PPME1: variants seen among roughly 807,000 people sequenced by gnomAD.
The protein encoded by PPME1 is testicular secretory protein Li 39.
A neutral mutation model predicts 56.9 loss-of-function variants in PPME1; 17 were observed. That is an observed-to-expected ratio of 0.30 (90% CI 0.20 to 0.45). The LOEUF (loss-of-function observed/expected upper bound fraction) is 0.45, where lower values mean the gene tolerates loss of function less well. PPME1 is among the 20% of genes least tolerant of loss of function. PPME1 has a pLI of 1.00. For missense variants in PPME1, 357 were observed against 483.2 expected (o/e 0.74, Z 2.45); for synonymous variants, 122 against 156.2 (o/e 0.78, Z 1.63).
chr11:74,224,800 C>G (rs1170164691), intron 4 of PPME1, among the ~76,000 whole-genome samples: 19 of 146,582 alleles, frequency 1.3e-4, no homozygotes, highest in African/African-American at 4.0e-4. Flanking sequence ...ATTTTGTATC[C>G]TGAGACTTTG....
chr11:74,229,293 A>T (rs896830993), intron 5 of PPME1, among the ~76,000 whole-genome samples: 1 of 151,580 alleles, frequency 6.6e-6, no homozygotes. Flanking sequence ...TTGAAGTTGA[A>T]CCAGCCACTC....
chr11:74,247,939 T>A (rs1312590913), intron 11 of PPME1: 1 of 152,618 alleles, frequency 6.6e-6, no homozygotes, highest in African/African-American at 2.4e-5. Context: ...GAATACTGCT[T>A]TTCCAGTAAT....
rs545968816 is a variant in PPME1 at position 74,239,888 on chromosome 11, T to C, written c.834+632T>C. 2.0e-5 allele frequency among the ~76,000 whole-genome samples: 3 copies of C among 152,064 alleles called. No homozygotes were observed. In the East Asian group the frequency reaches 5.8e-4, roughly 29 times the overall value. On this transcript the variant is annotated intron_variant, in intron 9 of 13. Transcript: ENST00000328257. The stretch of plus-strand genomic sequence containing the variant: ...AGCCACCATGCCCGGCCTAAGCTCA[T>C]GCAGATTTTACCCTGTCCATCTGTC...
intron 3 of PPME1, among the ~76,000 whole-genome samples, chr11:74,222,018 G>A (rs1246248469): frequency 6.6e-6 from 1 of 152,044 alleles, no homozygotes; most frequent in Non-Finnish European, 1.5e-5. Flanking sequence ...GAGCTCAGAG[G>A]GTCATTGTCT....
chr11:74,218,880 G>T (rs901252036), intron 3 of PPME1, among the ~76,000 whole-genome samples: 2 of 151,966 alleles, frequency 1.3e-5, no homozygotes, highest in African/African-American at 4.8e-5. Flanking sequence ...AAGCAAAAAT[G>T]GACAAATGGG....
At chr11:74,246,505 C>A (rs1859507726) in intron 10 of PPME1, among the ~76,000 whole-genome samples, 1 of 152,180 alleles carries the variant, frequency 6.6e-6, no homozygotes, top group African/African-American at 2.4e-5. Context: ...CCTGAGGTTA[C>A]GTCCTTATAG....
At chr11:74,199,085 A>G (rs1025624772) in intron 1 of PPME1, among the ~76,000 whole-genome samples, 3 of 152,178 alleles carry the variant, frequency 2.0e-5, no homozygotes, top group Non-Finnish European at 1.5e-5. Context: ...TCCCTATGAC[A>G]GGCAGCAGGC....
Position 74,251,631 on chromosome 11 carries a change from A to G in PPME1, c.1075-17A>G, listed in dbSNP as rs201992998. The G allele has an allele frequency of 6.2e-7, 1 of 1,612,024 alleles. No homozygotes were observed. Among genetic ancestry groups the G allele is most frequent in the Non-Finnish European group, 8.5e-7 (1 of 1,179,200 alleles). On this transcript the variant is annotated splice_polypyrimidine_tract_variant and intron_variant, in intron 12 of 13. Coordinates refer to ENST00000328257, the MANE Select transcript of PPME1 (RefSeq NM_016147.3). Reference sequence around the variant, plus strand: ...CACTAACCTTTATATGGCCTGGAATATCTCTCCCATTTCCAGGTAGCTGAA... The same window carrying G: ...CACTAACCTTTATATGGCCTGGAATGTCTCTCCCATTTCCAGGTAGCTGAA...
intron 8 of PPME1, chr11:74,237,995 T>C (rs1565394004): frequency 6.6e-6 from 1 of 152,202 alleles, no homozygotes; most frequent in Non-Finnish European, 1.5e-5. Flanking sequence ...TTATTTCCAG[T>C]GATGTTTTCT....
chr11:74,180,391 C>T (rs1390497089), intron 1 of PPME1, among the ~76,000 whole-genome samples: 1 of 152,096 alleles, frequency 6.6e-6, no homozygotes, highest in Non-Finnish European at 1.5e-5. Flanking sequence ...AACGAGAAAC[C>T]CAAATCCTGG....
intron 5 of PPME1, among the ~76,000 whole-genome samples, chr11:74,225,978 A>G (rs1433637967): frequency 6.6e-6 from 1 of 152,174 alleles, no homozygotes; most frequent in Non-Finnish European, 1.5e-5. Flanking sequence ...TCTCTCAGGT[A>G]TTTGGTCACT....
chr11:74,230,173 A>G lies in PPME1; in HGVS notation c.399-72A>G. 9 of 1,488,382 alleles carry G rather than the reference A, an allele frequency of 6.0e-6. No individual in the cohort carries two copies. The highest frequency in any genetic ancestry group is 7.3e-6 in the Non-Finnish European group (8 of 1,101,300). 92.2% of individuals were successfully genotyped at this position (1,488,382 alleles called of 1,614,324 possible). On this transcript the variant is annotated intron_variant, in intron 5 of 13. Coordinates refer to ENST00000328257, the MANE Select transcript of PPME1 (RefSeq NM_016147.3). The surrounding 1 kb of genome is among the most constrained non-coding windows in gnomAD (Gnocchi z 4.9). Reference sequence around the variant, plus strand: ...AGCACTGTTACACACCAAAGAAAGGAACTGGGAAAGAAAACCATTTTTACA... The same window carrying G: ...AGCACTGTTACACACCAAAGAAAGGGACTGGGAAAGAAAACCATTTTTACA...
At chr11:74,215,599 G>A (rs1161181970) in intron 3 of PPME1, among the ~76,000 whole-genome samples, 1 of 151,776 alleles carries the variant, frequency 6.6e-6, no homozygotes, top group Non-Finnish European at 1.5e-5. Context: ...AGAAAGACAG[G>A]AAAGAAGAGA....
chr11:74,192,420 A>G (rs1377078692), intron 1 of PPME1, among the ~76,000 whole-genome samples: 1 of 152,146 alleles, frequency 6.6e-6, no homozygotes, highest in African/African-American at 2.4e-5. Context: ...GATGAGTCTT[A>G]GATGAGACTT....
chr11:74,202,072 C>T (rs573137834), intron 1 of PPME1, among the ~76,000 whole-genome samples: 1 of 152,272 alleles, frequency 6.6e-6, no homozygotes, highest in East Asian at 1.9e-4. Context: ...GTATTAGATT[C>T]TTTAAAGGTA....
intron 3 of PPME1, among the ~76,000 whole-genome samples, chr11:74,220,616 T>C (rs1337202440): frequency 6.6e-6 from 1 of 152,212 alleles, no homozygotes; most frequent in Non-Finnish European, 1.5e-5. Context: ...CTGAAAATTA[T>C]GTCTAAGTAG....
At chr11:74,177,054 T>G (rs1857417823) in intron 1 of PPME1, among the ~76,000 whole-genome samples, 2 of 152,166 alleles carry the variant, frequency 1.3e-5, no homozygotes, top group East Asian at 3.8e-4. Flanking sequence ...TATCTTGATA[T>G]GCAAAGTGAG....
intron 1 of PPME1, among the ~76,000 whole-genome samples, chr11:74,190,078 T>C (rs1436139415): frequency 6.6e-6 from 1 of 152,178 alleles, no homozygotes; most frequent in South Asian, 2.1e-4. Context: ...GTTTATAAAA[T>C]GAGAGACAGA....
At chr11:74,239,385 A>G (rs1267388866) in intron 9 of PPME1, 129 bp downstream of exon 9, 5 of 1,381,694 alleles carry the variant, frequency 3.6e-6, no homozygotes, top group East Asian at 2.5e-5. Context: ...AGACACTATC[A>G]TAAGAGATAC....
Sources: gnomAD v4.1 joint callset for allele counts (sites outside exome capture counted in the v4.1 genomes callset) on GRCh38, gnomAD v4.1.1 for gene constraint, Gnocchi (gnomAD v3.1) non-coding constraint, MANE v1.5 for transcripts, NCBI Gene and HGNC (gene_info 2026-07-23, HGNC 2026-07-21) for gene names.